POU2F1: variants seen among roughly 807,000 people sequenced by gnomAD.
POU2F1 encodes POU class 2 homeobox 1.
POU2F1 carries 16 observed loss-of-function variants against 84.9 expected under a neutral mutation model. The observed-to-expected ratio is 0.19, with a 90% CI of 0.13 to 0.29. POU2F1 has a LOEUF of 0.29. Ranked by LOEUF, POU2F1 falls within the 10% of genes least tolerant of loss-of-function variation. The probability of loss-of-function intolerance (pLI) is 1.00; values close to 1 mark genes in which losing one functional copy is unlikely to be tolerated. For missense variants in POU2F1, 738 were observed against 942.6 expected (o/e 0.78, Z 2.84); for synonymous variants, 368 against 368.3 (o/e 1.00, Z 0.01).
intron 1 of POU2F1, among the ~76,000 whole-genome samples, chr1:167,302,493 G>A (rs993892145): frequency 5.3e-5 from 8 of 152,104 alleles, no homozygotes; most frequent in South Asian, 2.1e-4. Flanking sequence ...TCCTGACCTC[G>A]TGATTCGCCT....
chr1:167,339,404 T>C (rs2101749790), intron 2 of POU2F1, among the ~76,000 whole-genome samples: 1 of 152,362 alleles, frequency 6.6e-6, no homozygotes, highest in South Asian at 2.1e-4. Context: ...AAATTAAAGC[T>C]GATCATCTCT....
intron 1 of POU2F1, among the ~76,000 whole-genome samples, chr1:167,287,508 T>C (rs1653617045): frequency 6.6e-6 from 1 of 152,160 alleles, no homozygotes; most frequent in Non-Finnish European, 1.5e-5. Flanking sequence ...AAAAAAATAG[T>C]CATTGAAATT....
intron 1 of POU2F1, among the ~76,000 whole-genome samples, chr1:167,260,822 G>A (rs1266395572): frequency 6.6e-6 from 1 of 152,080 alleles, no homozygotes; most frequent in Non-Finnish European, 1.5e-5. Context: ...AGAGTAGGTA[G>A]CAGTTTTTGG....
At chr1:167,304,017 T>A (rs1407247941) in intron 1 of POU2F1, among the ~76,000 whole-genome samples, 1 of 152,204 alleles carries the variant, frequency 6.6e-6, no homozygotes, top group African/African-American at 2.4e-5. Flanking sequence ...ACAAATTACC[T>A]ACATGAAGAT....
In POU2F1 at chr1:167,253,005, C is replaced by T. The variant is rs573720116; in HGVS notation, c.61+32047C>T. Among the ~76,000 whole-genome samples, 559 of 152,240 alleles carry T rather than the reference C, an allele frequency of 3.7e-3. 1 individual carries two copies. Among genetic ancestry groups the T allele is most frequent in the Non-Finnish European group, 4.5e-3 (309 of 68,024 alleles). On this transcript the variant is annotated intron_variant, in intron 1 of 15. Coordinates refer to ENST00000367866, the MANE Select transcript of POU2F1 (RefSeq NM_002697.4). ...TCAGATTTACATAATCTAATTGGAC[C>T]CTTGGGTTCTTAAAAAATGGCCTTC...
intron 1 of POU2F1, among the ~76,000 whole-genome samples, chr1:167,256,365 C>CT (rs35700112): frequency 0.028 from 3,490 of 126,640 alleles, 53 homozygotes; most frequent in South Asian, 0.049. Flanking sequence ...TAAATTTCTT[C>CT]TTTTTTTTTT....
At chr1:167,388,304 A>G (rs1571421220) in intron 8 of POU2F1, among the ~76,000 whole-genome samples, 1 of 152,332 alleles carries the variant, frequency 6.6e-6, no homozygotes, top group Non-Finnish European at 1.5e-5. Context: ...TGAATTAGCA[A>G]AACATTTTTT....
chr1:167,388,369 A>G (rs1234430607), intron 8 of POU2F1, among the ~76,000 whole-genome samples: 3 of 152,224 alleles, frequency 2.0e-5, no homozygotes, highest in East Asian at 1.9e-4. Flanking sequence ...AACCAACGTT[A>G]TGATATGTAT....
chr1:167,221,268 C>T (rs1195639072), intron 1 of POU2F1, among the ~76,000 whole-genome samples: 1 of 151,384 alleles, frequency 6.6e-6, no homozygotes, highest in Non-Finnish European at 1.5e-5. Context: ...CTCTGCCGGC[C>T]GCCGCTGCCG....
intron 1 of POU2F1, among the ~76,000 whole-genome samples, chr1:167,310,640 C>G (rs1203279236): frequency 1.3e-5 from 2 of 151,886 alleles, no homozygotes; most frequent in East Asian, 1.9e-4. Context: ...TATAAAATGC[C>G]TAATAATCAA....
chr1:167,374,704 T>C (rs1660214346), intron 6 of POU2F1, among the ~76,000 whole-genome samples: 1 of 152,256 alleles, frequency 6.6e-6, no homozygotes, highest in Non-Finnish European at 1.5e-5. Flanking sequence ...TGATTAACAT[T>C]ATTGCATTAG....
chr1:167,232,800 G>A (rs994522377), intron 1 of POU2F1, among the ~76,000 whole-genome samples: 3 of 150,198 alleles, frequency 2.0e-5, no homozygotes, highest in Non-Finnish European at 4.4e-5. Flanking sequence ...CTGAGATTGC[G>A]CCACTGCACT....
At chr1:167,351,386 C>T (rs975982553) in intron 2 of POU2F1, among the ~76,000 whole-genome samples, 1 of 151,632 alleles carries the variant, frequency 6.6e-6, no homozygotes. Context: ...GGTATGGTGG[C>T]ACATGCCTGT....
At chr1:167,365,427 A>C (rs754240672) in intron 2 of POU2F1, 40 bp from the exon 3 acceptor site, 52 of 1,429,760 alleles carry the variant, frequency 3.6e-5, no homozygotes, top group Non-Finnish European at 4.9e-5. Flanking sequence ...TATTTCATTT[A>C]TTTCTTTTAA....
In POU2F1 at chr1:167,412,078, G is replaced by A. The variant is rs565117317; in HGVS notation, c.1675G>A (p.Glu559Lys). 45 of 1,614,080 alleles carry A rather than the reference G, an allele frequency of 2.8e-5. 1 individual carries two copies. The highest frequency in any genetic ancestry group is 2.7e-4 in the South Asian group (25 of 91,080). Reference protein sequence around the residue: ...PSPSASASTSEASSASETSTT... With the variant: ...PSPSASASTSKASSASETSTT... The stretch of plus-strand genomic sequence containing the variant: ...CCCTTCTGCCTCAGCCTCCACCTCC[G>A]AGGCATCCAGTGCCAGTGAGACCAG... Residue 559 changes from glutamate (E) to lysine (K), a missense_variant, in exon 14 of 16, where the codon GAG (glutamate) becomes AAG (lysine). Physicochemically the swap from Glu to Lys is moderately conservative, Grantham distance 56 (BLOSUM62 1). This residue lies in a region of POU2F1 where 319 missense variants were observed against 386.0 expected (regional missense o/e 0.83). Transcript: ENST00000367866.
At chr1:167,361,819 T>C (rs1422025230) in intron 2 of POU2F1, among the ~76,000 whole-genome samples, 3 of 152,108 alleles carry the variant, frequency 2.0e-5, no homozygotes, top group African/African-American at 7.2e-5. Flanking sequence ...TTTGGTTAAG[T>C]TTTTCATTAC....
intron 1 of POU2F1, among the ~76,000 whole-genome samples, chr1:167,320,618 C>A (rs1037060327): frequency 2.0e-5 from 3 of 152,006 alleles, no homozygotes; most frequent in Admixed American, 6.6e-5. Flanking sequence ...AGCATAGTAG[C>A]AATTTGATCC....
intron 1 of POU2F1, among the ~76,000 whole-genome samples, chr1:167,249,966 A>G (rs566739457): frequency 9.8e-5 from 15 of 152,322 alleles, no homozygotes; most frequent in African/African-American, 3.6e-4. Context: ...TACTTATTTC[A>G]TTAACAGGAG....
At chr1:167,322,255 A>G (rs1433519445) in intron 1 of POU2F1, among the ~76,000 whole-genome samples, 2 of 152,148 alleles carry the variant, frequency 1.3e-5, no homozygotes, top group South Asian at 2.1e-4. Flanking sequence ...CCCCATCTCC[A>G]TATATGACAC....
Sources: gnomAD v4.1 joint callset for allele counts (sites outside exome capture counted in the v4.1 genomes callset) on GRCh38, gnomAD v4.1.1 for gene constraint, gnomAD v4.1.1 regional missense constraint, MANE v1.5 for transcripts, NCBI Gene and HGNC (gene_info 2026-07-23, HGNC 2026-07-21) for gene names.